Variants in SNX29 observed in about 807,000 individuals in gnomAD.
SNX29 encodes the protein sorting nexin 29.
A neutral mutation model predicts 102.1 loss-of-function variants in SNX29; 78 were observed. The observed-to-expected ratio is 0.76, with a 90% CI of 0.64 to 0.92. SNX29 has a LOEUF of 0.92. SNX29 is among the 40% of genes least tolerant of loss of function. The pLI, the probability that SNX29 is intolerant of heterozygous loss-of-function variation, is 0.00. For missense variants in SNX29, 1,280 were observed against 1,061.7 expected, an observed-to-expected ratio of 1.21 and a Z score of -2.86; for synonymous variants, 580 against 414.5, an observed-to-expected ratio of 1.40 and a Z score of -4.85.
chr16:12,139,575 AAGC>A (rs1348894690), intron 13 of SNX29, among the ~76,000 whole-genome samples: 1 of 152,226 alleles, frequency 6.6e-6, no homozygotes, highest in Admixed American at 6.5e-5. Context: ...TCTTGGCACA[AAGC>A]AGCCAGTTAG....
At chr16:12,416,963 G>A (rs1049397963) in intron 18 of SNX29, among the ~76,000 whole-genome samples, 2 of 152,224 alleles carry the variant, frequency 1.3e-5, no homozygotes, top group South Asian at 2.1e-4. Context: ...TAATTATTAT[G>A]TGCCAATTAA....
intron 13 of SNX29, among the ~76,000 whole-genome samples, chr16:12,153,708 C>A (rs1017138972): frequency 6.6e-6 from 1 of 151,584 alleles, no homozygotes; most frequent in Admixed American, 6.6e-5. Context: ...GAACTCATGG[C>A]CTGAAGTGAT....
intron 10 of SNX29, among the ~76,000 whole-genome samples, chr16:12,073,068 T>C (rs1392439860): frequency 6.6e-6 from 1 of 152,194 alleles, no homozygotes; most frequent in East Asian, 1.9e-4. Flanking sequence ...TTTTTTTCTT[T>C]ATTAGTCTTG....
chr16:12,097,358 C>T (rs1325570738), intron 11 of SNX29, among the ~76,000 whole-genome samples: 1 of 152,272 alleles, frequency 6.6e-6, no homozygotes, highest in East Asian at 1.9e-4. Context: ...TTAGCTTCAC[C>T]TGGAGACCCT....
intron 20 of SNX29, among the ~76,000 whole-genome samples, chr16:12,564,077 A>T (rs1347392539): frequency 6.6e-6 from 1 of 152,024 alleles, no homozygotes; most frequent in African/African-American, 2.4e-5. Context: ...GTATTTTGGG[A>T]GTTTGTAATA....
chr16:12,564,953 G>T (rs62028258), intron 20 of SNX29, among the ~76,000 whole-genome samples: 1 of 146,510 alleles, frequency 6.8e-6, no homozygotes, highest in East Asian at 2.0e-4. Flanking sequence ...AAAAAAAAAG[G>T]CTGTCATTGT....
intron 1 of SNX29, among the ~76,000 whole-genome samples, chr16:11,991,522 A>C (rs2055846863): frequency 6.6e-6 from 1 of 151,682 alleles, no homozygotes; most frequent in South Asian, 2.1e-4. Context: ...ATATATGTAA[A>C]TTTATTTATT....
intron 13 of SNX29, among the ~76,000 whole-genome samples, chr16:12,155,844 C>T (rs1440675163): frequency 6.6e-6 from 1 of 152,154 alleles, no homozygotes; most frequent in Non-Finnish European, 1.5e-5. Context: ...AGGAAGGGTC[C>T]CATGCTAGAG....
At chr16:12,236,968 A>G (rs1365715322) in intron 14 of SNX29, among the ~76,000 whole-genome samples, 3 of 152,220 alleles carry the variant, frequency 2.0e-5, no homozygotes, top group Non-Finnish European at 2.9e-5. Flanking sequence ...ACTGGGCAGC[A>G]TGAGGGCTTT....
At chr16:12,044,016 A>G (rs957133911) in intron 5 of SNX29, among the ~76,000 whole-genome samples, 1 of 152,190 alleles carries the variant, frequency 6.6e-6, no homozygotes, top group African/African-American at 2.4e-5. Context: ...GGCCTCCCAA[A>G]GTCCTGGGGT....
intron 20 of SNX29, among the ~76,000 whole-genome samples, chr16:12,541,591 C>G (rs149083709): frequency 6.6e-6 from 1 of 152,166 alleles, no homozygotes; most frequent in Non-Finnish European, 1.5e-5. Context: ...AGACCTCAAC[C>G]CTGAGGTCAC....
At position 12,006,741 on chromosome 16, in the gene SNX29, C is replaced by A. The variant is rs895829626; in HGVS notation, c.122+3698C>A. ...GCTCAAGATCTTCCCATCTCAGCCT[C>A]CTGAGTAGCTAAGACTACAGATGCA... On this transcript the variant is annotated intron_variant, in intron 3 of 20. Transcript: ENST00000566228. Among the ~76,000 whole-genome samples the A allele has an allele frequency of 2.6e-5, 4 of 151,924 alleles. No individual in the cohort carries two copies. In the East Asian group the frequency reaches 5.8e-4, roughly 22 times the overall value.
intron 13 of SNX29, among the ~76,000 whole-genome samples, chr16:12,145,202 A>T (rs1479442194): frequency 4.7e-5 from 4 of 84,542 alleles, no homozygotes; most frequent in Middle Eastern, 7.5e-3. Context: ...TTTCATACTT[A>T]AAAAAAAAAA....
At chr16:12,545,386 G>A (rs562654852) in intron 20 of SNX29, 1 of 152,356 alleles carries the variant, frequency 6.6e-6, no homozygotes, top group Admixed American at 6.5e-5. Context: ...CACAATAGGT[G>A]TATTGTCCGC....
intron 15 of SNX29, among the ~76,000 whole-genome samples, chr16:12,355,882 A>AG (rs1163776024): frequency 7.2e-6 from 1 of 139,510 alleles, no homozygotes; most frequent in South Asian, 2.5e-4. Flanking sequence ...AAAAAGAGAG[A>AG]GGAAAAAAAA....
chr16:12,260,843 G>A (rs114361222), intron 14 of SNX29, among the ~76,000 whole-genome samples: 2 of 150,818 alleles, frequency 1.3e-5, no homozygotes, highest in Non-Finnish European at 3.0e-5. Context: ...CGTGTGCCCG[G>A]CTGGAGTGAA....
At chr16:12,451,819 G>A (rs1016511079) in intron 18 of SNX29, among the ~76,000 whole-genome samples, 54 of 152,200 alleles carry the variant, frequency 3.5e-4, no homozygotes, top group African/African-American at 1.2e-3. Context: ...AGCCCAGATC[G>A]CGCCACTGCA....
At chr16:12,267,692 G>A (rs2142569756) in intron 14 of SNX29, among the ~76,000 whole-genome samples, 1 of 152,268 alleles carries the variant, frequency 6.6e-6, no homozygotes, top group East Asian at 1.9e-4. Flanking sequence ...GAGGCTGTTG[G>A]GTAACCGCAT....
chr16:12,462,000 TATATATATATATGTATACACAC>T, intron 18 of SNX29, among the ~76,000 whole-genome samples: 1 of 67,858 alleles, frequency 1.5e-5, no homozygotes, highest in Non-Finnish European at 2.5e-5. Flanking sequence ...TATATATATA[TATATATATATATGTATACACAC>T]ACACACACAC....
Sources: allele counts gnomAD v4.1 joint callset (sites outside exome capture counted in the v4.1 genomes callset), GRCh38; gene constraint gnomAD v4.1.1; transcripts MANE v1.5; gene names NCBI Gene and HGNC (gene_info 2026-07-23, HGNC 2026-07-21).